NYAP2: variants seen among roughly 807,000 people sequenced by gnomAD.
NYAP2 encodes the protein neuronal tyrosine-phosphorylated phosphoinositide-3-kinase adaptor 2, also known as neuronal tyrosine-phosphorylated phosphoinositide-3-kinase adapter 2.
In NYAP2, 23 loss-of-function variants were observed where a neutral mutation model predicts 50.4. The ratio of observed to expected loss-of-function variants is 0.46; its 90% CI spans 0.33 to 0.65. The LOEUF is 0.65. NYAP2 is among the 30% of genes least tolerant of loss of function. The probability of loss-of-function intolerance (pLI) is 0.02; values close to 1 mark genes in which losing one functional copy is unlikely to be tolerated. For missense variants in NYAP2, 885 were observed against 861.0 expected (o/e 1.03, Z -0.35); for synonymous variants, 394 against 365.2 (o/e 1.08, Z -0.90).
At chr2:225,478,737 C>T (rs540099349) in intron 3 of NYAP2, among the ~76,000 whole-genome samples, 1 of 152,262 alleles carries the variant, frequency 6.6e-6, no homozygotes, top group East Asian at 1.9e-4. Flanking sequence ...GGTTCAGGAA[C>T]ATGAGATTGG....
chr2:225,641,581 G>A (rs1017966095), intron 6 of NYAP2, among the ~76,000 whole-genome samples: 13 of 151,924 alleles, frequency 8.6e-5, no homozygotes, highest in Admixed American at 2.0e-4. Context: ...TTGGGAGGCC[G>A]AGGTGGGTGG....
intron 4 of NYAP2, among the ~76,000 whole-genome samples, chr2:225,544,929 G>C (rs530102347): frequency 6.6e-6 from 1 of 152,070 alleles, no homozygotes; most frequent in African/African-American, 2.4e-5. Context: ...TCTTCTTCAT[G>C]CTTGAAGGAT....
At chr2:225,553,045 C>T (rs1178379568) in intron 4 of NYAP2, among the ~76,000 whole-genome samples, 3 of 152,194 alleles carry the variant, frequency 2.0e-5, no homozygotes, top group Non-Finnish European at 4.4e-5. Flanking sequence ...GCAGCCAACA[C>T]AGACCAGGAC....
intron 4 of NYAP2, among the ~76,000 whole-genome samples, chr2:225,518,534 AT>A (rs1574654963): frequency 4.4e-5 from 2 of 45,842 alleles, no homozygotes; most frequent in African/African-American, 1.0e-4. Flanking sequence ...ATATATATAT[AT>A]ATATATATAT....
intron 4 of NYAP2, among the ~76,000 whole-genome samples, chr2:225,550,524 G>A (rs1366148799): frequency 3.9e-5 from 6 of 152,126 alleles, no homozygotes; most frequent in Admixed American, 3.3e-4. Context: ...TGAACTGTGC[G>A]GAATTAGAGA....
intron 3 of NYAP2, among the ~76,000 whole-genome samples, chr2:225,488,324 G>T (rs567595432): frequency 6.6e-6 from 1 of 152,142 alleles, no homozygotes; most frequent in African/African-American, 2.4e-5. Flanking sequence ...AAGTTAGACT[G>T]CTCATTTTAT....
chr2:225,485,607 G>A (rs6436558), intron 3 of NYAP2, among the ~76,000 whole-genome samples: 23,517 of 152,100 alleles, frequency 0.15, 3,068 homozygotes, highest in African/African-American at 0.36. Flanking sequence ...ATTGGTGGGA[G>A]GGGTGTGTGT....
intron 4 of NYAP2, among the ~76,000 whole-genome samples, chr2:225,567,947 C>T (rs1265225508): frequency 6.6e-6 from 1 of 152,140 alleles, no homozygotes; most frequent in Admixed American, 6.6e-5. Context: ...TACTTCAGAG[C>T]AATCCCACAT....
intron 3 of NYAP2, among the ~76,000 whole-genome samples, chr2:225,508,369 C>T (rs1384744517): frequency 1.3e-5 from 2 of 152,138 alleles, no homozygotes; most frequent in African/African-American, 4.8e-5. Flanking sequence ...TTTTCACAGG[C>T]ATTCCTTATT....
chr2:225,516,812 T>G (rs1237751101), intron 4 of NYAP2, among the ~76,000 whole-genome samples: 1 of 152,200 alleles, frequency 6.6e-6, no homozygotes, highest in Non-Finnish European at 1.5e-5. Flanking sequence ...AGCATATGTT[T>G]TCTTTATAAT....
chr2:225,499,823 T>A (rs1203117432), intron 3 of NYAP2, among the ~76,000 whole-genome samples: 2 of 151,822 alleles, frequency 1.3e-5, no homozygotes, highest in African/African-American at 4.8e-5. Context: ...AATGATTTAG[T>A]AAACGAATGA....
At chr2:225,566,930 T>C (rs1056632986) in intron 4 of NYAP2, among the ~76,000 whole-genome samples, 1 of 152,116 alleles carries the variant, frequency 6.6e-6, no homozygotes, top group African/African-American at 2.4e-5. Context: ...TGTGTGTGTG[T>C]GTGCGTGTGT....
intron 3 of NYAP2, among the ~76,000 whole-genome samples, chr2:225,414,748 A>G (rs1695096137): frequency 6.6e-6 from 1 of 152,154 alleles, no homozygotes; most frequent in African/African-American, 2.4e-5. Flanking sequence ...ACTGAGAAGG[A>G]CGGGCAATCC....
intron 4 of NYAP2, among the ~76,000 whole-genome samples, chr2:225,535,882 A>G (rs1298020685): frequency 6.6e-6 from 1 of 152,198 alleles, no homozygotes; most frequent in East Asian, 1.9e-4. Flanking sequence ...AGATAGATAG[A>G]TATAGATATA....
At chr2:225,543,961 A>G (rs1266228736) in intron 4 of NYAP2, among the ~76,000 whole-genome samples, 7 of 152,064 alleles carry the variant, frequency 4.6e-5, no homozygotes, top group Non-Finnish European at 1.5e-5. Context: ...ATATGTATTT[A>G]CAATTGTTAT....
At chr2:225,682,303 A>G in the NYAP2 span, among the ~76,000 whole-genome samples, 1 of 152,200 alleles carries the variant, frequency 6.6e-6, no homozygotes, top group Non-Finnish European at 1.5e-5. Flanking sequence ...ATTTTACCAC[A>G]GTGTAGCCAA....
chr2:225,698,400 G>A, the NYAP2 span: 1 of 152,420 alleles, frequency 6.6e-6, no homozygotes, highest in Admixed American at 6.6e-5. Flanking sequence ...AGGAAATAAA[G>A]GCTAGACAGA....
At chr2:225,544,770 C>T (rs1691541669) in intron 4 of NYAP2, among the ~76,000 whole-genome samples, 1 of 151,970 alleles carries the variant, frequency 6.6e-6, no homozygotes, top group East Asian at 1.9e-4. Context: ...CTTACTATTA[C>T]CAGTTAGTTT....
chr2:225,458,453 T>C (rs1420766718), intron 3 of NYAP2, among the ~76,000 whole-genome samples: 2 of 152,232 alleles, frequency 1.3e-5, no homozygotes, highest in Admixed American at 6.5e-5. Flanking sequence ...ATAGCTTTAA[T>C]CCTTACATTT....
Sources: allele counts gnomAD v4.1 joint callset (sites outside exome capture counted in the v4.1 genomes callset), GRCh38; gene constraint gnomAD v4.1.1; transcripts MANE v1.5; gene names NCBI Gene and HGNC (gene_info 2026-07-23, HGNC 2026-07-21).